Variants in CCDC88A observed in about 807,000 individuals in gnomAD.
CCDC88A encodes girdin.
In CCDC88A, 54 loss-of-function variants were observed where a neutral mutation model predicts 234.3. That is an observed-to-expected ratio of 0.23 (90% CI 0.19 to 0.29). CCDC88A has a LOEUF of 0.29. CCDC88A is among the 10% of genes least tolerant of loss of function. The pLI, the probability that CCDC88A is intolerant of heterozygous loss-of-function variation, is 1.00. For missense variants in CCDC88A, 1,832 were observed against 2,123.4 expected (o/e 0.86, Z 2.70); for synonymous variants, 753 against 737.8 (o/e 1.02, Z -0.33).
intron 16 of CCDC88A, chr2:55,331,688 G>T (rs78864065): frequency 1.3e-5 from 2 of 152,122 alleles, no homozygotes; most frequent in Admixed American, 1.3e-4. Context: ...TTGATAGATT[G>T]TAATTACCAT....
Position 55,332,457 on chromosome 2 carries a change from A to G in CCDC88A, c.2855+109T>C, listed in dbSNP as rs558348594. The G allele has an allele frequency of 1.4e-6, 2 of 1,432,890 alleles. No homozygotes were observed. Among genetic ancestry groups the G allele is most frequent in the South Asian group, 3.1e-5 (2 of 64,510 alleles). The allele number at this position is 1,432,890 out of a possible 1,614,324, so 88.8% of individuals were successfully genotyped here. A position where few individuals can be genotyped will look rare whatever the true frequency, so the allele number is the denominator to read the frequency against. ...CCTTAAGGGAAGGAAGGAACCAGAAATAGGGTGAAATATATAAATGTTTTC... is the reference window on the plus strand; with the variant it reads ...CCTTAAGGGAAGGAAGGAACCAGAAGTAGGGTGAAATATATAAATGTTTTC... On this transcript the variant is annotated intron_variant, in intron 16 of 32. Coordinates refer to ENST00000436346, the MANE Select transcript of CCDC88A (RefSeq NM_001365480.1). The surrounding 1 kb of genome is among the most constrained non-coding windows in gnomAD (Gnocchi z 4.5).
intron 9 of CCDC88A, 102 bp downstream of exon 9, chr2:55,349,416 T>C: frequency 1.2e-6 from 1 of 850,952 alleles, no homozygotes; most frequent in Non-Finnish European, 1.9e-6. Context: ...GGAACCTCTT[T>C]TATTTACATA....
At chr2:55,370,876 G>A (rs1006557887) in intron 5 of CCDC88A, among the ~76,000 whole-genome samples, 1 of 151,434 alleles carries the variant, frequency 6.6e-6, no homozygotes, top group Non-Finnish European at 1.5e-5. Flanking sequence ...ACCAGGCATG[G>A]TGGCACATGC....
intron 5 of CCDC88A, among the ~76,000 whole-genome samples, chr2:55,372,026 G>A (rs976981930): frequency 1.3e-5 from 2 of 151,964 alleles, no homozygotes; most frequent in African/African-American, 4.8e-5. Flanking sequence ...CATAAATTCT[G>A]CCTCCTTTTT....
At chr2:55,299,545 A>T (rs1346243143) in intron 29 of CCDC88A, among the ~76,000 whole-genome samples, 1 of 152,246 alleles carries the variant, frequency 6.6e-6, no homozygotes, top group East Asian at 1.9e-4. Context: ...CATGTCAAAG[A>T]CAAAATGTCA....
intron 11 of CCDC88A, chr2:55,344,050 A>G: frequency 2.7e-6 from 1 of 375,714 alleles, no homozygotes; most frequent in Non-Finnish European, 4.7e-6. Context: ...TAGTGATACA[A>G]CAAAAGAATT....
At chr2:55,305,852 C>T (rs867368439) in intron 25 of CCDC88A, among the ~76,000 whole-genome samples, 1 of 148,354 alleles carries the variant, frequency 6.7e-6, no homozygotes. Flanking sequence ...CAGAGTAAGA[C>T]TCCATCTCTT....
At chr2:55,298,577 C>G (rs1680476476) in intron 29 of CCDC88A, among the ~76,000 whole-genome samples, 1 of 152,004 alleles carries the variant, frequency 6.6e-6, no homozygotes, top group African/African-American at 2.4e-5. Flanking sequence ...TCCTTGTAAC[C>G]TGACAATTCT....
intron 5 of CCDC88A, among the ~76,000 whole-genome samples, chr2:55,371,983 TATA>T (rs1672918223): frequency 1.3e-5 from 2 of 152,176 alleles, no homozygotes; most frequent in African/African-American, 4.8e-5. Flanking sequence ...CAAAGAGCAA[TATA>T]ATAATAAACA....
chr2:55,318,866 G>C lies in CCDC88A; in HGVS notation c.3301C>G (p.Gln1101Glu). ...VSLQEQNTTLQTQNAKLQVEN... is the reference protein window; with the variant it reads ...VSLQEQNTTLETQNAKLQVEN... The stretch of plus-strand genomic sequence containing the variant: ...ACCTGAAGCTTGGCATTCTGTGTTT[G>C]AAGAGTGGTATTCTGTTCTTGTAAT... Residue 1101 changes from glutamine (Q) to glutamate (E), a missense_variant, in exon 19 of 33, where the codon CAA (glutamine) becomes GAA (glutamate). Physicochemically the swap from Gln to Glu is conservative, Grantham distance 29. Transcript: ENST00000436346. 6.2e-7 allele frequency: 1 copy of C among 1,607,130 alleles called. No homozygotes were observed. Among genetic ancestry groups the C allele is most frequent in the South Asian group, 1.1e-5 (1 of 90,142 alleles).
chr2:55,402,968 C>T (rs906066462), intron 2 of CCDC88A, among the ~76,000 whole-genome samples: 4 of 151,802 alleles, frequency 2.6e-5, no homozygotes, highest in African/African-American at 2.4e-5. Context: ...GAGATCACGC[C>T]ACTGCACTCC....
At chr2:55,401,505 T>C (rs13022121) in intron 2 of CCDC88A, among the ~76,000 whole-genome samples, 52 of 288 alleles carry the variant, frequency 0.18, 1 homozygote, top group Middle Eastern at 0.5. Flanking sequence ...TATACATATA[T>C]ATATATATAT....
chr2:55,375,469 C>CTA (rs869279076), intron 3 of CCDC88A, among the ~76,000 whole-genome samples: 430 of 26,266 alleles, frequency 0.016, 1 homozygote, highest in South Asian at 0.06. Flanking sequence ...TGTCACTGTA[C>CTA]TATATATATA....
chr2:55,324,272 T>C (rs1368432132), intron 17 of CCDC88A: 1 of 152,242 alleles, frequency 6.6e-6, no homozygotes. Flanking sequence ...AAGTTGCTAA[T>C]GTACAGATTT....
intron 28 of CCDC88A, chr2:55,300,303 G>T: frequency 5.1e-6 from 1 of 196,122 alleles, no homozygotes; most frequent in Non-Finnish European, 1.1e-5. Context: ...AAGAAGAGGA[G>T]GAATACAAGC....
Position 55,332,381 on chromosome 2 carries a change from C to T in CCDC88A, c.2855+185G>A, listed in dbSNP as rs566395612. 6.8e-6 allele frequency: 7 copies of T among 1,035,810 alleles called. No homozygotes were observed. The South Asian group carries it at 1.8e-4, about 26-fold the overall frequency. The allele number at this position is 1,035,810 out of a possible 1,614,324, so 64.2% of individuals were successfully genotyped here. A position where few individuals can be genotyped will look rare whatever the true frequency, so the allele number is the denominator to read the frequency against. On this transcript the variant is annotated intron_variant, in intron 16 of 32. Coordinates refer to ENST00000436346, the MANE Select transcript of CCDC88A (RefSeq NM_001365480.1). The surrounding 1 kb of genome is among the most constrained non-coding windows in gnomAD (Gnocchi z 4.5). ...AGGTGATCCGCCCGCTTCAGCCTCC[C>T]AAAGTGCTGGGATTATAGGTGTGAG...
At chr2:55,299,714 A>G in intron 29 of CCDC88A, 125 bp downstream of exon 29, 1 of 655,738 alleles carries the variant, frequency 1.5e-6, no homozygotes, top group Non-Finnish European at 2.7e-6. Context: ...AAAATGTTCC[A>G]AACAACTATG....
chr2:55,329,292 T>G lies in CCDC88A; in HGVS notation c.2856-857A>C, dbSNP rs1397073538. ...ATTCAGTGTATCATAAACCACTATT[T>G]ATGATCCATTTCTTAAACCTGAAGA... On this transcript the variant is annotated intron_variant, in intron 16 of 32. Transcript: ENST00000436346. 4 of 152,334 alleles carry G rather than the reference T, an allele frequency of 2.6e-5. No homozygotes were observed. The South Asian group carries it at 8.3e-4, about 32-fold the overall frequency. 9.4% of individuals were successfully genotyped at this position (152,334 alleles called of 1,614,324 possible).
At chr2:55,404,024 T>G (rs1377635677) in intron 2 of CCDC88A, 1 of 152,222 alleles carries the variant, frequency 6.6e-6, no homozygotes, top group Non-Finnish European at 1.5e-5. Context: ...GTATTTCCCT[T>G]GACCAGTGAC....
Sources: gnomAD v4.1 joint callset for allele counts (sites outside exome capture counted in the v4.1 genomes callset) on GRCh38, gnomAD v4.1.1 for gene constraint, Gnocchi (gnomAD v3.1) non-coding constraint, MANE v1.5 for transcripts, NCBI Gene and HGNC (gene_info 2026-07-23, HGNC 2026-07-21) for gene names.